ZNF664: variants seen among roughly 807,000 people sequenced by gnomAD.
The protein encoded by ZNF664 is zinc finger protein 664, also known as zinc finger Organ of Corti 1.
Under a neutral mutation model 18.2 loss-of-function variants are expected in ZNF664, and 10 were observed. The ratio of observed to expected loss-of-function variants is 0.55; its 90% CI spans 0.34 to 0.93. ZNF664 has a LOEUF of 0.93. ZNF664 is among the 40% of genes least tolerant of loss of function. The probability of loss-of-function intolerance (pLI) is 0.02; values close to 1 mark genes in which losing one functional copy is unlikely to be tolerated. For synonymous variants in ZNF664, 119 were observed against 104.2 expected (o/e 1.14, Z -0.86); for missense variants, 193 against 319.0 (o/e 0.61, Z 3.01).
At chr12:123,995,465 C>T (rs955599021) in intron 3 of ZNF664, among the ~76,000 whole-genome samples, 2 of 152,186 alleles carry the variant, frequency 1.3e-5, no homozygotes, top group Non-Finnish European at 2.9e-5. Context: ...CTCCATGGCT[C>T]AGTTTTGGGA....
intron 2 of ZNF664, among the ~76,000 whole-genome samples, chr12:123,977,580 A>G (rs1374629127): frequency 2.0e-5 from 3 of 152,102 alleles, no homozygotes; most frequent in African/African-American, 7.2e-5. Context: ...GGAGGAGACC[A>G]TAAAGTATCC....
intron 1 of ZNF664, 79 bp downstream of exon 1, chr12:123,973,431 G>T (rs1276808652): frequency 2.4e-5 from 20 of 850,590 alleles, no homozygotes; most frequent in Non-Finnish European, 2.8e-5. Context: ...GGAGCGGGCT[G>T]GGGGTGGGAA....
intron 2 of ZNF664, among the ~76,000 whole-genome samples, chr12:123,978,540 T>A (rs1249272661): frequency 1.3e-5 from 2 of 152,224 alleles, no homozygotes; most frequent in African/African-American, 4.8e-5. Context: ...ATGGGCAGAC[T>A]TGTTCCTGGA....
intron 2 of ZNF664, among the ~76,000 whole-genome samples, chr12:123,975,450 G>GGT (rs1022238859): frequency 4.0e-5 from 6 of 151,256 alleles, no homozygotes; most frequent in African/African-American, 1.5e-4. Context: ...AGAGAGATAG[G>GGT]GTCTCTTTCT....
chr12:124,005,524 T>TGTGTGTGA (rs137963321), intron 3 of ZNF664, among the ~76,000 whole-genome samples: 7,657 of 146,934 alleles, frequency 0.052, 246 homozygotes, highest in African/African-American at 0.086. Flanking sequence ...TGTGTGTGTG[T>TGTGTGTGA]GAGAGATAGG....
chr12:123,990,510 C>T (rs1956877009), intron 3 of ZNF664, among the ~76,000 whole-genome samples: 1 of 152,182 alleles, frequency 6.6e-6, no homozygotes, highest in African/African-American at 2.4e-5. Context: ...ATACCTCTTC[C>T]TGAGGGTGGC....
chr12:123,974,612 C>G (rs1956661113), intron 2 of ZNF664: 1 of 152,210 alleles, frequency 6.6e-6, no homozygotes, highest in Admixed American at 6.5e-5. Flanking sequence ...GGCATTTTGT[C>G]TTTGACTATC....
At position 124,013,057 on chromosome 12, in the gene ZNF664, C is replaced by G. The variant is rs1957151386; in HGVS notation, c.*127C>G. ...TAGCAGAACATTGTTTCTGAGGAGG[C>G]ATATGTGAGATTGATTTGTTGGTTC... On this transcript the variant is annotated 3_prime_UTR_variant, in exon 5 of 5. Coordinates refer to ENST00000337815, the MANE Select transcript of ZNF664 (RefSeq NM_152437.3). 2.4e-6 allele frequency: 3 copies of G among 1,244,908 alleles called. No homozygotes were observed. The highest frequency in any genetic ancestry group is 2.2e-6 in the Non-Finnish European group (2 of 912,578). 77.1% of individuals were successfully genotyped at this position (1,244,908 alleles called of 1,614,324 possible).
chr12:123,999,926 G>C (rs1956992099), intron 3 of ZNF664, among the ~76,000 whole-genome samples: 1 of 152,230 alleles, frequency 6.6e-6, no homozygotes, highest in Non-Finnish European at 1.5e-5. Flanking sequence ...GCATTCCTGA[G>C]GCTTGGAAGA....
chr12:124,000,351 C>T (rs1308882601), intron 3 of ZNF664, among the ~76,000 whole-genome samples: 4 of 152,240 alleles, frequency 2.6e-5, no homozygotes, highest in Non-Finnish European at 5.9e-5. Context: ...TAAACACACA[C>T]ACCACTTCCT....
chr12:124,012,188 G>A lies in ZNF664; in HGVS notation c.44G>A (p.Arg15Lys). The stretch of plus-strand genomic sequence containing the variant: ...ATGTGTAGGGAATTTTTCTCTGAGA[G>A]AGCAGATCTTTTTATGCATCAGAAA... ...CPMCREFFSE[R>K]ADLFMHQKIH... is the part of the protein sequence containing the mutation. Residue 15 changes from arginine (R) to lysine (K), a missense_variant, in exon 5 of 5, where the codon AGA (arginine) becomes AAA (lysine). Around this residue, in one of 3 missense-constraint regions of ZNF664, gnomAD observed 90 missense variants for 118.9 expected, o/e 0.76. Coordinates refer to ENST00000337815, the MANE Select transcript of ZNF664 (RefSeq NM_152437.3). The A allele has an allele frequency of 3.1e-6, 5 of 1,613,410 alleles. No homozygotes were observed. The highest frequency in any genetic ancestry group is 4.2e-6 in the Non-Finnish European group (5 of 1,179,866).
chr12:123,992,096 TTGTC>T (rs1157824958), intron 3 of ZNF664, among the ~76,000 whole-genome samples: 32 of 152,182 alleles, frequency 2.1e-4, no homozygotes, highest in Non-Finnish European at 2.9e-4. Context: ...CCATTGAACT[TTGTC>T]TGTTGTGAGA....
At chr12:123,991,107 A>G (rs1435771047) in intron 3 of ZNF664, among the ~76,000 whole-genome samples, 1 of 152,188 alleles carries the variant, frequency 6.6e-6, no homozygotes, top group Non-Finnish European at 1.5e-5. Flanking sequence ...CTACCCACCA[A>G]ATTATTATGA....
intron 3 of ZNF664, among the ~76,000 whole-genome samples, chr12:124,009,855 C>T (rs199996673): frequency 2.6e-5 from 4 of 151,142 alleles, no homozygotes; most frequent in Admixed American, 2.6e-4. Context: ...TTTGCAGAAA[C>T]GGTAGCATAG....
chr12:123,974,891 T>C (rs1956668840), intron 2 of ZNF664, among the ~76,000 whole-genome samples: 2 of 152,104 alleles, frequency 1.3e-5, no homozygotes, highest in Admixed American at 1.3e-4. Context: ...GCTTTTTTGC[T>C]GGTGGTGGTT....
At chr12:124,007,289 A>G (rs1337387356) in intron 3 of ZNF664, among the ~76,000 whole-genome samples, 1 of 152,202 alleles carries the variant, frequency 6.6e-6, no homozygotes, top group Non-Finnish European at 1.5e-5. Context: ...CTCCCCTGTC[A>G]GGGACCTTGG....
intron 3 of ZNF664, among the ~76,000 whole-genome samples, chr12:124,009,312 G>A (rs1957108427): frequency 6.6e-6 from 1 of 151,846 alleles, no homozygotes; most frequent in Non-Finnish European, 1.5e-5. Context: ...CAATATGATA[G>A]GTTTATTCTC....
chr12:124,004,460 A>T (rs1015684656), intron 3 of ZNF664, among the ~76,000 whole-genome samples: 1 of 152,250 alleles, frequency 6.6e-6, no homozygotes, highest in Non-Finnish European at 1.5e-5. Flanking sequence ...AGACTTCTGG[A>T]CTTGCATAGG....
At chr12:123,999,229 G>T (rs1367485807) in intron 3 of ZNF664, among the ~76,000 whole-genome samples, 1 of 152,164 alleles carries the variant, frequency 6.6e-6, no homozygotes, top group African/African-American at 2.4e-5. Context: ...GTAGGGATTG[G>T]AGGCCGACAT....
Sources: allele counts gnomAD v4.1 joint callset (sites outside exome capture counted in the v4.1 genomes callset), GRCh38; gene constraint gnomAD v4.1.1; regional missense constraint gnomAD v4.1.1; transcripts MANE v1.5; gene names NCBI Gene and HGNC (gene_info 2026-07-23, HGNC 2026-07-21).